The following TNFSF4 variants were observed in gnomAD, a reference collection of about 807,000 sequenced individuals.
The protein encoded by TNFSF4 is TNF superfamily member 4.
In TNFSF4, 4 loss-of-function variants were observed where a neutral mutation model predicts 7.3. The ratio of observed to expected loss-of-function variants is 0.55; its 90% CI spans 0.27 to 1.25. The LOEUF (loss-of-function observed/expected upper bound fraction) is 1.25, where lower values mean the gene tolerates loss of function less well. Among genes scored for constraint, TNFSF4 ranks in the 50% most tolerant of loss-of-function variants. TNFSF4 has a pLI of 0.12. For synonymous variants in TNFSF4, 76 were observed against 83.7 expected, an observed-to-expected ratio of 0.91 and a Z score of 0.50; for missense variants, 181 against 208.8, an observed-to-expected ratio of 0.87 and a Z score of 0.82.
chr1:173,405,921 G>A, the TNFSF4 span, among the ~76,000 whole-genome samples: 2 of 152,226 alleles, frequency 1.3e-5, no homozygotes, highest in African/African-American at 4.8e-5. Flanking sequence ...CTCATACTGC[G>A]AAATATGGAG....
the TNFSF4 span, among the ~76,000 whole-genome samples, chr1:173,449,747 A>T: frequency 1.6e-4 from 25 of 152,332 alleles, no homozygotes; most frequent in African/African-American, 5.8e-4. Flanking sequence ...AAGTAAATGA[A>T]AGAGAAAATG....
chr1:173,417,727 TAC>T, the TNFSF4 span: 2 of 152,092 alleles, frequency 1.3e-5, no homozygotes, highest in Non-Finnish European at 2.9e-5. Flanking sequence ...CAGATTCACC[TAC>T]ACACACTCAC....
At chr1:173,419,342 A>AG in the TNFSF4 span, among the ~76,000 whole-genome samples, 1 of 144,570 alleles carries the variant, frequency 6.9e-6, no homozygotes, top group African/African-American at 2.6e-5. Flanking sequence ...ACTCCGTCTC[A>AG]GAAAAAAAAA....
At chr1:173,237,622 C>G in the TNFSF4 span, among the ~76,000 whole-genome samples, 2 of 152,116 alleles carry the variant, frequency 1.3e-5, no homozygotes, top group Non-Finnish European at 2.9e-5. Flanking sequence ...AGCATCCAAG[C>G]CAAGAGTCAA....
chr1:173,257,808 A>T, the TNFSF4 span, among the ~76,000 whole-genome samples: 1 of 152,158 alleles, frequency 6.6e-6, no homozygotes, highest in Non-Finnish European at 1.5e-5. Context: ...CCAGAGTTTT[A>T]TTGGGATTTA....
chr1:173,323,850 T>C, the TNFSF4 span, among the ~76,000 whole-genome samples: 382 of 152,174 alleles, frequency 2.5e-3, 2 homozygotes, highest in African/African-American at 8.0e-3. Context: ...CTGCAAGAAA[T>C]ATGGGACTAT....
chr1:173,362,709 G>T, the TNFSF4 span: 251,561 of 390,790 alleles, frequency 0.64, 81,372 homozygotes, highest in Middle Eastern at 0.7. Flanking sequence ...GAGGAGGGAG[G>T]TATTAATGAC....
the TNFSF4 span, among the ~76,000 whole-genome samples, chr1:173,413,199 GGAGA>G: frequency 1.3e-5 from 2 of 152,190 alleles, no homozygotes; most frequent in Admixed American, 6.5e-5. Flanking sequence ...GGAAAATATA[GGAGA>G]GAGAGAAAGA....
chr1:173,179,720 G>A (rs1571176344), downstream of TNFSF4, among the ~76,000 whole-genome samples: 1 of 152,138 alleles, frequency 6.6e-6, no homozygotes, highest in Admixed American at 6.5e-5. Context: ...TAAGTGATAA[G>A]ATATAAAATG....
At chr1:173,214,970 C>A in the TNFSF4 span, among the ~76,000 whole-genome samples, 1 of 152,072 alleles carries the variant, frequency 6.6e-6, no homozygotes, top group African/African-American at 2.4e-5. Flanking sequence ...GGTGTTATGG[C>A]CTGAATGTTT....
the TNFSF4 span, among the ~76,000 whole-genome samples, chr1:173,331,591 A>C: frequency 3.3e-5 from 5 of 152,272 alleles, no homozygotes; most frequent in African/African-American, 1.2e-4. Context: ...CCCTTCATCA[A>C]AACTTTTGGA....
At chr1:173,261,475 A>G in the TNFSF4 span, among the ~76,000 whole-genome samples, 1 of 152,176 alleles carries the variant, frequency 6.6e-6, no homozygotes, top group Admixed American at 6.5e-5. Flanking sequence ...AATAACCAAG[A>G]TCAGAGTGAA....
At chr1:173,241,213 T>C in the TNFSF4 span, among the ~76,000 whole-genome samples, 1 of 152,206 alleles carries the variant, frequency 6.6e-6, no homozygotes, top group African/African-American at 2.4e-5. Context: ...CAGAGACTAT[T>C]AATGTAGTTT....
the TNFSF4 span, among the ~76,000 whole-genome samples, chr1:173,436,213 GA>G: frequency 6.6e-5 from 10 of 152,158 alleles, no homozygotes; most frequent in African/African-American, 2.4e-4. Context: ...CAGAGGGATG[GA>G]TATGGGTAAG....
At chr1:173,400,075 A>G in the TNFSF4 span, among the ~76,000 whole-genome samples, 5,576 of 152,334 alleles carry the variant, frequency 0.037, 329 homozygotes, top group African/African-American at 0.13. Flanking sequence ...ACTACCATCC[A>G]TAAGCTTACA....
chr1:173,290,748 G>A, the TNFSF4 span, among the ~76,000 whole-genome samples: 2 of 152,024 alleles, frequency 1.3e-5, no homozygotes, highest in Admixed American at 6.6e-5. Flanking sequence ...GACTTCTACA[G>A]AATACTCCAC....
the TNFSF4 span, among the ~76,000 whole-genome samples, chr1:173,413,214 C>T: frequency 6.6e-6 from 1 of 152,196 alleles, no homozygotes; most frequent in Non-Finnish European, 1.5e-5. Context: ...GAGAGAAAGA[C>T]AGAGACACAG....
chr1:173,430,673 T>C, the TNFSF4 span, among the ~76,000 whole-genome samples: 1 of 152,130 alleles, frequency 6.6e-6, no homozygotes, highest in African/African-American at 2.4e-5. Context: ...GTCTATAGAG[T>C]TGTTCACTGC....
upstream of TNFSF4, among the ~76,000 whole-genome samples, chr1:173,209,492 T>C (rs1650304840): frequency 6.6e-6 from 1 of 152,176 alleles, no homozygotes; most frequent in Admixed American, 6.5e-5. Flanking sequence ...TATGGGCAAT[T>C]TTTTTCATTT....
Sources: gnomAD v4.1 joint callset for allele counts (sites outside exome capture counted in the v4.1 genomes callset) on GRCh38, gnomAD v4.1.1 for gene constraint, MANE v1.5 for transcripts, NCBI Gene and HGNC (gene_info 2026-07-23, HGNC 2026-07-21) for gene names.